The following CIITA variants were observed in gnomAD, a reference collection of about 807,000 sequenced individuals.
CIITA encodes class II major histocompatibility complex transactivator, also known as MHC class II transactivator.
CIITA carries 72 observed loss-of-function variants against 115.1 expected under a neutral mutation model. The ratio of observed to expected loss-of-function variants is 0.63; its 90% CI spans 0.52 to 0.76. CIITA has a LOEUF of 0.76. Among genes scored for constraint, CIITA ranks in the 30% least tolerant of loss-of-function variants. The probability of loss-of-function intolerance (pLI) is 0.00; values close to 1 mark genes in which losing one functional copy is unlikely to be tolerated. For missense variants in CIITA, 1,617 were observed against 1,463.8 expected (o/e 1.10, Z -1.71); for synonymous variants, 763 against 635.6 (o/e 1.20, Z -3.02).
At chr16:10,900,614 C>T (rs1226302991) in intron 5 of CIITA, among the ~76,000 whole-genome samples, 1 of 152,032 alleles carries the variant, frequency 6.6e-6, no homozygotes, top group Non-Finnish European at 1.5e-5. Context: ...GTGGCGAACA[C>T]CTGTAATCCC....
At chr16:10,866,760 G>A (rs544169986) in intron 1 of CIITA, among the ~76,000 whole-genome samples, 1 of 152,330 alleles carries the variant, frequency 6.6e-6, no homozygotes, top group African/African-American at 2.4e-5. Flanking sequence ...GGAGCGAACG[G>A]CGTGCTTCCC....
chr16:10,919,856 A>G (rs965686478), intron 16 of CIITA, among the ~76,000 whole-genome samples: 17 of 152,210 alleles, frequency 1.1e-4, no homozygotes, highest in African/African-American at 3.4e-4. Context: ...CGTAGTAGGA[A>G]TTAGGCACAT....
chr16:10,942,776 C>T lies in CIITA; in HGVS notation n.1902C>T, dbSNP rs2145456934. On this transcript the variant is annotated non_coding_transcript_exon_variant, in exon 2 of 2. Coordinates refer to the CIITA transcript ENST00000573379. The surrounding 1 kb of genome is among the most constrained non-coding windows in gnomAD (Gnocchi z 5.0). Reference sequence around the variant, plus strand: ...CCCGGGCTACCGCTGCACCTTGCTGCATGCCTCTTTGGGACTCCGTTTCTC... The same window carrying T: ...CCCGGGCTACCGCTGCACCTTGCTGTATGCCTCTTTGGGACTCCGTTTCTC... The T allele has an allele frequency of 6.6e-6, 1 of 152,398 alleles. No homozygotes were observed. Among genetic ancestry groups the T allele is most frequent in the South Asian group, 2.1e-4 (1 of 4,828 alleles). 9.4% of individuals were successfully genotyped at this position (152,398 alleles called of 1,614,324 possible).
chr16:10,889,156 GCTCTCT>G (rs1471528690), intron 1 of CIITA, among the ~76,000 whole-genome samples: 2 of 152,240 alleles, frequency 1.3e-5, no homozygotes, highest in Non-Finnish European at 2.9e-5. Flanking sequence ...GAGCTGAAGG[GCTCTCT>G]CTCCTGCCAC....
chr16:10,910,838 G>T lies in CIITA; in HGVS notation c.2888+579G>T, dbSNP rs143269312. On this transcript the variant is annotated intron_variant, in intron 13 of 19. Coordinates refer to ENST00000324288, the MANE Select transcript of CIITA (RefSeq NM_000246.4). ...TGTTTACTTCCACAGCCAAGGGATGGCCTCCCCAGGGAGAATCTTTCCCCC... is the reference window on the plus strand; with the variant it reads ...TGTTTACTTCCACAGCCAAGGGATGTCCTCCCCAGGGAGAATCTTTCCCCC... Among the ~76,000 whole-genome samples, 98 of 152,324 alleles carry T rather than the reference G, an allele frequency of 6.4e-4. 2 individuals carry two copies. In the East Asian group the frequency reaches 0.018, roughly 28 times the overall value.
In CIITA at chr16:10,907,341, G is replaced by T; in HGVS notation, c.1849G>T (p.Val617Leu). The change falls in exon 11 of 20, where the codon GTG becomes TTG. Residue 617 changes from valine (V) to leucine (L), a missense_variant. Transcript: ENST00000324288. The surrounding 1 kb of genome is among the most constrained non-coding windows in gnomAD (Gnocchi z 5.0). ...HSHSPTLCRA[V>L]CQLSEALLEL... ...CCACAGCCCTACTTTGTGCCGGGCA[G>T]TGTGCCAGCTCTCAGAGGCCCTGCT... 1 of 1,613,604 alleles carries T rather than the reference G, an allele frequency of 6.2e-7. No homozygotes were observed. Among genetic ancestry groups the T allele is most frequent in the African/African-American group, 1.3e-5 (1 of 75,050 alleles).
upstream of CIITA, among the ~76,000 whole-genome samples, chr16:10,873,379 A>C (rs1331773843): frequency 2.0e-5 from 3 of 152,248 alleles, no homozygotes; most frequent in South Asian, 2.1e-4. Context: ...AGCAGAGATG[A>C]TGCTTATGAA....
At position 10,906,764 on chromosome 16, in the gene CIITA, G is replaced by A. The variant is rs2039187350; in HGVS notation, c.1272G>A (p.Gln424=). 1 of 1,611,258 alleles carries A rather than the reference G, an allele frequency of 6.2e-7. No individual in the cohort carries two copies. Among genetic ancestry groups the A allele is most frequent in the Middle Eastern group, 1.7e-4 (1 of 6,060 alleles). The change falls in exon 11 of 20, where the codon CAG becomes CAA. Residue 424 remains glutamine, a synonymous_variant. Transcript: ENST00000324288. ...TTGCTGTGCTGGGCAAAGCTGGTCA[G>A]GGCAAGAGCTATTGGGCTGGGGCAG... The part of the protein sequence containing the change: ...RVIAVLGKAG[Q]GKSYWAGAVS...
Position 10,907,384 on chromosome 16 carries a change from C to T in CIITA, c.1892C>T (p.Ala631Val). 1 of 1,613,362 alleles carries T rather than the reference C, an allele frequency of 6.2e-7. No individual in the cohort carries two copies. The highest frequency in any genetic ancestry group is 8.5e-7 in the Non-Finnish European group (1 of 1,179,966). Reference protein sequence around the residue: ...SEALLELGEDAKLPSTLTGLY... With the variant: ...SEALLELGEDVKLPSTLTGLY... ...GCCCTGCTGGAGCTTGGGGAGGACGCCAAGCTGCCCTCCACGCTCACGGGA... is the reference window on the plus strand; with the variant it reads ...GCCCTGCTGGAGCTTGGGGAGGACGTCAAGCTGCCCTCCACGCTCACGGGA... Residue 631 changes from alanine to valine, a missense_variant, in exon 11 of 20, where the codon GCC becomes GTC. Transcript: ENST00000324288. This position sits in a 1 kb window ranked among gnomAD's most constrained non-coding sequence, Gnocchi z 5.0.
chr16:10,882,629 G>A (rs902528689), intron 1 of CIITA, among the ~76,000 whole-genome samples: 4 of 152,080 alleles, frequency 2.6e-5, no homozygotes, highest in Admixed American at 1.3e-4. Context: ...CGGGCATGGT[G>A]GCTCACACCT....
chr16:10,895,553 T>C (rs779889838), intron 2 of CIITA, 116 bp from the exon 3 acceptor site: 103 of 1,561,656 alleles, frequency 6.6e-5, no homozygotes, highest in Non-Finnish European at 8.6e-5. Context: ...CCCACGTCTG[T>C]GGGACGCTCT....
Position 10,902,171 on chromosome 16 carries a change from C to T in CIITA, c.615C>T (p.Thr205=), listed in dbSNP as rs749376450. Reference sequence around the variant, plus strand: ...CCGGCCAGATGCGCCTGGAGAAAACCGACCAGATTCCCAGTATGTTAGGGG... The same window carrying T: ...CCGGCCAGATGCGCCTGGAGAAAACTGACCAGATTCCCAGTATGTTAGGGG... ...PASGQMRLEK[T]DQIPMPFSSS... Residue 205 remains threonine, a synonymous_variant, in exon 7 of 20, where the codon ACC becomes ACT. Transcript: ENST00000324288. 1.1e-5 allele frequency: 18 copies of T among 1,614,122 alleles called. No homozygotes were observed. The highest frequency in any genetic ancestry group is 1.6e-4 in the Middle Eastern group (1 of 6,062).
chr16:10,885,986 C>T (rs930489116), intron 1 of CIITA, among the ~76,000 whole-genome samples: 4 of 151,622 alleles, frequency 2.6e-5, no homozygotes, highest in Admixed American at 2.6e-4. Flanking sequence ...ATTTCCCATA[C>T]TGGGTGCCCA....
chr16:10,872,030 C>G (rs1234379027), intron 1 of CIITA, among the ~76,000 whole-genome samples: 1 of 152,206 alleles, frequency 6.6e-6, no homozygotes, highest in African/African-American at 2.4e-5. Flanking sequence ...CACCTACCTG[C>G]CTGCCCTCCA....
In CIITA at chr16:10,877,245, A is replaced by C; in HGVS notation, c.-86A>C. Reference sequence around the variant, plus strand: ...GAGGCTGTGTGCTTCTGAGCTGGGCATCCGAAGGCATCCTTGGGGAAGCTG... The same window carrying C: ...GAGGCTGTGTGCTTCTGAGCTGGGCCTCCGAAGGCATCCTTGGGGAAGCTG... On this transcript the variant is annotated 5_prime_UTR_variant, in exon 1 of 20. Transcript: ENST00000324288. The C allele has an allele frequency of 8.1e-7, 1 of 1,234,476 alleles. No homozygotes were observed. Among genetic ancestry groups the C allele is most frequent in the Non-Finnish European group, 1.2e-6 (1 of 853,592 alleles). The allele number at this position is 1,234,476 out of a possible 1,614,324, so 76.5% of individuals were successfully genotyped here.
At chr16:10,877,126 GA>G, upstream of CIITA, 1 of 637,224 alleles carries the variant, frequency 1.6e-6, no homozygotes, top group Admixed American at 2.4e-5. Flanking sequence ...CTTGCAGGGA[GA>G]GTTTTTTTGA....
Position 10,929,396 on chromosome 16 carries a change from T to A in CIITA, c.*5541T>A. ...TCAGAAGCCAAGGCCAGGCCATCGA[T>A]TTGACACTGCAGGCAGATGAGGTCT... On this transcript the variant is annotated 3_prime_UTR_variant, in exon 20 of 20. Transcript: ENST00000324288. The surrounding 1 kb of genome is among the most constrained non-coding windows in gnomAD (Gnocchi z 4.3). 1 of 985,878 alleles carries A rather than the reference T, an allele frequency of 1.0e-6. No homozygotes were observed. The highest frequency in any genetic ancestry group is 1.2e-6 in the Non-Finnish European group (1 of 829,954). 61.1% of individuals were successfully genotyped at this position (985,878 alleles called of 1,614,324 possible).
chr16:10,901,381 G>C lies in CIITA; in HGVS notation c.437-133G>C, dbSNP rs1009743272. ...AGCTGGGGTTGGAATGTTAGAGCGA[G>C]GGGAGGAAAATGGACCCCCAAGACC... is the stretch of plus-strand genomic sequence containing the variant. On this transcript the variant is annotated intron_variant, in intron 5 of 19. Coordinates refer to ENST00000324288, the MANE Select transcript of CIITA (RefSeq NM_000246.4). The surrounding 1 kb of genome is among the most constrained non-coding windows in gnomAD (Gnocchi z 6.8). The C allele has an allele frequency of 3.4e-6, 3 of 883,740 alleles. No individual in the cohort carries two copies. Among genetic ancestry groups the C allele is most frequent in the Non-Finnish European group, 5.5e-6 (3 of 543,504 alleles). The allele number at this position is 883,740 out of a possible 1,614,324, so 54.7% of individuals were successfully genotyped here.
intron 1 of CIITA, among the ~76,000 whole-genome samples, chr16:10,893,614 G>C (rs1186196438): frequency 1.3e-5 from 2 of 151,922 alleles, no homozygotes; most frequent in Non-Finnish European, 2.9e-5. Context: ...TTTGAGAACA[G>C]CCTGGCCAAA....
Sources: allele counts gnomAD v4.1 joint callset (sites outside exome capture counted in the v4.1 genomes callset), GRCh38; gene constraint gnomAD v4.1.1; non-coding constraint Gnocchi (gnomAD v3.1); transcripts MANE v1.5; gene names NCBI Gene and HGNC (gene_info 2026-07-23, HGNC 2026-07-21).